The following RAET1E variants were observed in gnomAD, a reference collection of about 807,000 sequenced individuals.
RAET1E encodes NKG2D ligand 4.
RAET1E carries 27 observed loss-of-function variants against 21.1 expected under a neutral mutation model. The observed-to-expected ratio is 1.28, with a 90% CI of 0.94 to 1.76. The LOEUF (loss-of-function observed/expected upper bound fraction) is 1.76, where lower values mean the gene tolerates loss of function less well. RAET1E is among the 40% of genes most tolerant of loss of function. The probability of loss-of-function intolerance (pLI) is 0.00; values close to 1 mark genes in which losing one functional copy is unlikely to be tolerated. For synonymous variants in RAET1E, 113 were observed against 115.0 expected (o/e 0.98, Z 0.11); for missense variants, 310 against 311.3 (o/e 1.00, Z 0.03).
Position 149,890,938 on chromosome 6 carries a change from C to T in RAET1E, c.-37G>A, listed in dbSNP as rs1777867183. On this transcript the variant is annotated 5_prime_UTR_variant, in exon 3 of 6. Coordinates refer to ENST00000357183, the MANE Select transcript of RAET1E (RefSeq NM_001394057.1). The stretch of plus-strand genomic sequence containing the variant: ...TAACAGGCAGGAAGCTGGGCGTGTA[C>T]ACATTCACCCTCACTGGTATGGTGA... The T allele has an allele frequency of 7.3e-7, 1 of 1,376,146 alleles. No homozygotes were observed. Among genetic ancestry groups the T allele is most frequent in the Non-Finnish European group, 1.0e-6 (1 of 965,604 alleles). 85.2% of individuals were successfully genotyped at this position (1,376,146 alleles called of 1,614,324 possible).
chr6:149,894,496 TC>T (rs1438314979), intron 2 of RAET1E, among the ~76,000 whole-genome samples: 1 of 152,160 alleles, frequency 6.6e-6, no homozygotes, highest in African/African-American at 2.4e-5. Context: ...TTTTCTCTAA[TC>T]TTGTCTTCTC....
chr6:149,890,666 T>C, intron 3 of RAET1E, 151 bp downstream of exon 3: 2 of 626,830 alleles, frequency 3.2e-6, no homozygotes, highest in South Asian at 3.6e-5. Flanking sequence ...TCCCATGAAC[T>C]GGGTGTAACA....
In RAET1E at chr6:149,888,545, G is replaced by C; in HGVS notation, c.745C>G (p.Gln249Glu). ...AGACCAGCCTGCCACTCACCATTTT[G>C]CCACCAGACACAGATGAGAACAATT... ...MGIVLICVWW[Q>E]NGEWQAGLWP... Residue 249 changes from glutamine (Q) to glutamate (E), a missense_variant, in exon 6 of 6, where the codon CAA (glutamine) becomes GAA (glutamate). Physicochemically the swap from Gln to Glu is conservative, Grantham distance 29. Transcript: ENST00000357183. 6.2e-7 allele frequency: 1 copy of C among 1,613,682 alleles called. No individual in the cohort carries two copies. The highest frequency in any genetic ancestry group is 8.5e-7 in the Non-Finnish European group (1 of 1,179,952).
chr6:149,884,160 G>A lies in RAET1E; in HGVS notation c.*4338C>T, dbSNP rs1186002702. Reference sequence around the variant, plus strand: ...CAGGTGGGCTGGTGGTAGGATCATAGGTCCACAATCTCACGAGCAAAGGCT... The same window carrying A: ...CAGGTGGGCTGGTGGTAGGATCATAAGTCCACAATCTCACGAGCAAAGGCT... On this transcript the variant is annotated 3_prime_UTR_variant, in exon 6 of 6. Transcript: ENST00000357183. The A allele has an allele frequency of 6.4e-6, 2 of 310,934 alleles. No individual in the cohort carries two copies. The highest frequency in any genetic ancestry group is 2.1e-5 in the African/African-American group (1 of 47,668). The allele number at this position is 310,934 out of a possible 1,614,324, so 19.3% of individuals were successfully genotyped here. A position where few individuals can be genotyped will look rare whatever the true frequency, so the allele number is the denominator to read the frequency against.
In RAET1E at chr6:149,884,373, C is replaced by A; in HGVS notation, c.*4125G>T. 1 of 976,924 alleles carries A rather than the reference C, an allele frequency of 1.0e-6. No homozygotes were observed. 60.5% of individuals were successfully genotyped at this position (976,924 alleles called of 1,614,324 possible). A position where few individuals can be genotyped will look rare whatever the true frequency, so the allele number is the denominator to read the frequency against. ...GACTGGAATGCAGAGGCGCGATCTC[C>A]GCTCATTGCAGGCTCCGCCTCCACT... On this transcript the variant is annotated 3_prime_UTR_variant, in exon 6 of 6. Coordinates refer to ENST00000357183, the MANE Select transcript of RAET1E (RefSeq NM_001394057.1).
At chr6:149,896,644 TTG>T (rs56944213) in intron 1 of RAET1E, among the ~76,000 whole-genome samples, 5,465 of 148,290 alleles carry the variant, frequency 0.037, 313 homozygotes, top group African/African-American at 0.13. Context: ...ATGTGTGTGT[TTG>T]TGTGTGTGTG....
Position 149,890,992 on chromosome 6 carries a change from G to A in RAET1E, c.-91C>T. 1 of 903,246 alleles carries A rather than the reference G, an allele frequency of 1.1e-6. No homozygotes were observed. Among genetic ancestry groups the A allele is most frequent in the Non-Finnish European group, 1.8e-6 (1 of 554,436 alleles). The allele number at this position is 903,246 out of a possible 1,614,324, so 56.0% of individuals were successfully genotyped here. A position where few individuals can be genotyped will look rare whatever the true frequency, so the allele number is the denominator to read the frequency against. ...AATGTTATCCAACAGCGTGGGTGTG[G>A]GCACTGCCCAAATTCTTTACCCTGG... On this transcript the variant is annotated 5_prime_UTR_variant, in exon 3 of 6. Coordinates refer to ENST00000357183, the MANE Select transcript of RAET1E (RefSeq NM_001394057.1).
At chr6:149,895,232 G>A (rs889086938) in intron 2 of RAET1E, among the ~76,000 whole-genome samples, 5 of 152,340 alleles carry the variant, frequency 3.3e-5, no homozygotes, top group South Asian at 2.1e-4. Flanking sequence ...AGTATACGTG[G>A]GTGTCAGGCA....
At chr6:149,888,903 G>T (rs1419846853) in intron 5 of RAET1E, among the ~76,000 whole-genome samples, 1 of 152,148 alleles carries the variant, frequency 6.6e-6, no homozygotes, top group Admixed American at 6.5e-5. Flanking sequence ...ATATCCATCT[G>T]ATTACCACAC....
intron 2 of RAET1E, among the ~76,000 whole-genome samples, chr6:149,891,850 G>T (rs1777914922): frequency 6.6e-6 from 1 of 152,084 alleles, no homozygotes; most frequent in African/African-American, 2.4e-5. Context: ...CCTACATTAG[G>T]TATTTCTCCT....
chr6:149,889,814 C>G, intron 4 of RAET1E, 71 bp downstream of exon 4: 1 of 1,554,862 alleles, frequency 6.4e-7, no homozygotes, highest in Non-Finnish European at 8.8e-7. Context: ...CCTAAAGCCC[C>G]TCCCCATCTG....
In RAET1E at chr6:149,890,978, A is replaced by G. The variant is rs550322456; in HGVS notation, c.-77T>C. The G allele has an allele frequency of 1.8e-6, 2 of 1,087,198 alleles. No individual in the cohort carries two copies. Among genetic ancestry groups the G allele is most frequent in the Admixed American group, 3.6e-5 (2 of 54,916 alleles). The allele number at this position is 1,087,198 out of a possible 1,614,324, so 67.3% of individuals were successfully genotyped here. A position where few individuals can be genotyped will look rare whatever the true frequency, so the allele number is the denominator to read the frequency against. On this transcript the variant is annotated 5_prime_UTR_variant, in exon 3 of 6. Coordinates refer to ENST00000357183, the MANE Select transcript of RAET1E (RefSeq NM_001394057.1). Reference sequence around the variant, plus strand: ...TGGTATGGTGAAGAAATGTTATCCAACAGCGTGGGTGTGGGCACTGCCCAA... The same window carrying G: ...TGGTATGGTGAAGAAATGTTATCCAGCAGCGTGGGTGTGGGCACTGCCCAA...
chr6:149,888,560 T>G lies in RAET1E; in HGVS notation c.730A>C (p.Ile244Leu). 1 of 1,612,168 alleles carries G rather than the reference T, an allele frequency of 6.2e-7. No homozygotes were observed. Among genetic ancestry groups the G allele is most frequent in the Non-Finnish European group, 8.5e-7 (1 of 1,179,790 alleles). ...TCACCATTTTGCCACCAGACACAGA[T>G]GAGAACAATTCCCATTAAAACTAAC... is the stretch of plus-strand genomic sequence containing the variant. ...ILLVLMGIVL[I>L]CVWWQNGEWQ... Residue 244 changes from isoleucine (I) to leucine (L), a missense_variant, in exon 6 of 6, where the codon ATC (isoleucine) becomes CTC (leucine). Coordinates refer to ENST00000357183, the MANE Select transcript of RAET1E (RefSeq NM_001394057.1).
chr6:149,888,315 GCCC>G lies in RAET1E; in HGVS notation c.*180_*182del. ...GCAGGCGTTCCAGATCTTTGACCTT[GCCC>G]CTCCTCGAGAGGAGATGATTGCTTC... On this transcript the variant is annotated 3_prime_UTR_variant, in exon 6 of 6. Transcript: ENST00000357183. 1 of 774,080 alleles carries G rather than the reference GCCC, an allele frequency of 1.3e-6. No individual in the cohort carries two copies. Among genetic ancestry groups the G allele is most frequent in the Non-Finnish European group, 2.2e-6 (1 of 462,066 alleles). 48.0% of individuals were successfully genotyped at this position (774,080 alleles called of 1,614,324 possible). A position where few individuals can be genotyped will look rare whatever the true frequency, so the allele number is the denominator to read the frequency against.
chr6:149,897,265 G>A (rs1330614690), intron 1 of RAET1E, among the ~76,000 whole-genome samples: 5 of 152,090 alleles, frequency 3.3e-5, no homozygotes, highest in Non-Finnish European at 7.4e-5. Context: ...GAACTCCTGG[G>A]CTCAAACAAT....
At chr6:149,897,518 T>A (rs1387182778) in intron 1 of RAET1E, among the ~76,000 whole-genome samples, 2 of 152,188 alleles carry the variant, frequency 1.3e-5, no homozygotes, top group African/African-American at 2.4e-5. Context: ...AGCCTTTTTG[T>A]GGCAGTGTGC....
chr6:149,897,358 A>T (rs1298325432), intron 1 of RAET1E, among the ~76,000 whole-genome samples: 2 of 152,222 alleles, frequency 1.3e-5, no homozygotes, highest in African/African-American at 4.8e-5. Context: ...AATTGAAGTA[A>T]GAAGCGGGTG....
rs1404223079 is a variant in RAET1E at position 149,889,388 on chromosome 6, C to G, written c.582G>C (p.Arg194Ser). 3.7e-6 allele frequency: 6 copies of G among 1,614,110 alleles called. No homozygotes were observed. The highest frequency in any genetic ancestry group is 5.1e-6 in the Non-Finnish European group (6 of 1,180,060). Residue 194 changes from arginine to serine, a missense_variant, in exon 5 of 6, where the codon AGG becomes AGC. Arg to Ser is a moderately radical substitution (Grantham distance 110). Coordinates refer to ENST00000357183, the MANE Select transcript of RAET1E (RefSeq NM_001394057.1). ...LSKGDCDHWL[R>S]EFLGHWEAMP... ...TTGCCTCCCAGTGCCCTAAGAATTCCCTGAGCCAGTGATCGCAGTCTCCCT... is the reference window on the plus strand; with the variant it reads ...TTGCCTCCCAGTGCCCTAAGAATTCGCTGAGCCAGTGATCGCAGTCTCCCT...
chr6:149,890,148 G>A lies in RAET1E; in HGVS notation c.86-3C>T, dbSNP rs745644425. 1.2e-6 allele frequency: 2 copies of A among 1,613,930 alleles called. No homozygotes were observed. The highest frequency in any genetic ancestry group is 1.7e-6 in the Non-Finnish European group (2 of 1,179,882). On this transcript the variant is annotated splice_polypyrimidine_tract_variant and splice_region_variant and intron_variant, in intron 3 of 5. Transcript: ENST00000357183. ...GTTGAAGCAAAGAGAGTGACCACCT[G>A]TGAGACAAAGATGCAGGTGAGGTCC...
Sources: allele counts gnomAD v4.1 joint callset (sites outside exome capture counted in the v4.1 genomes callset), GRCh38; gene constraint gnomAD v4.1.1; transcripts MANE v1.5; gene names NCBI Gene and HGNC (gene_info 2026-07-23, HGNC 2026-07-21).